GATA4: variants seen among roughly 807,000 people sequenced by gnomAD.
GATA4 encodes the protein transcription factor GATA-4.
GATA4 carries 7 observed loss-of-function variants against 37.9 expected under a neutral mutation model. The observed-to-expected ratio is 0.18, with a 90% confidence interval of 0.11 to 0.35. GATA4 has a LOEUF of 0.35. Ranked by LOEUF, GATA4 falls within the 10% of genes least tolerant of loss-of-function variation. The pLI, the probability that GATA4 is intolerant of heterozygous loss-of-function variation, is 1.00. For missense variants in GATA4, 647 were observed against 653.0 expected (o/e 0.99, Z 0.10); for synonymous variants, 372 against 292.6 (o/e 1.27, Z -2.77).
chr8:11,703,678 C>A (rs747882824), upstream of GATA4, among the ~76,000 whole-genome samples: 14 of 152,348 alleles, frequency 9.2e-5, no homozygotes, highest in Non-Finnish European at 1.6e-4. Flanking sequence ...TCTCTACGCT[C>A]TGATTTTAGG....
At position 11,712,046 on chromosome 8, in the gene GATA4, G is replaced by A. The variant is rs114557758; in HGVS notation, c.616+3118G>A. ...CTTGGGCAAGTTACTTACCTCTCTC[G>A]GTCTCACCTCTTTTTCTGTAAAATG... On this transcript the variant is annotated intron_variant, in intron 2 of 6. Coordinates refer to ENST00000532059, the MANE Select transcript of GATA4 (RefSeq NM_001308093.3). Among the ~76,000 whole-genome samples the A allele has an allele frequency of 2.1e-3, 315 of 152,214 alleles. 4 individuals carry two copies. The highest frequency in any genetic ancestry group is 7.4e-3 in the African/African-American group (308 of 41,522).
At chr8:11,737,800 C>A (rs1205510514) in intron 2 of GATA4, among the ~76,000 whole-genome samples, 2 of 152,164 alleles carry the variant, frequency 1.3e-5, no homozygotes, top group Non-Finnish European at 2.9e-5. Context: ...GAAAATGGAA[C>A]CTGCCCAGCT....
chr8:11,708,510 C>T lies in GATA4; in HGVS notation c.198C>T (p.Ala66=), dbSNP rs1366717746. The part of the protein sequence containing the change: ...GGGAGSASGG[A]SGGSSGGAAS... Reference sequence around the variant, plus strand: ...GCGCGGGCTCTGCGTCCGGAGGCGCCTCGGGCGGCAGCTCCGGTGGGGCCG... The same window carrying T: ...GCGCGGGCTCTGCGTCCGGAGGCGCTTCGGGCGGCAGCTCCGGTGGGGCCG... Residue 66 remains alanine, a synonymous_variant, in exon 2 of 7, where the codon GCC becomes GCT. Coordinates refer to ENST00000532059, the MANE Select transcript of GATA4 (RefSeq NM_001308093.3). This position sits in a 1 kb window ranked among gnomAD's most constrained non-coding sequence, Gnocchi z 6.7. 4.1e-6 allele frequency: 6 copies of T among 1,474,658 alleles called. No individual in the cohort carries two copies. Among genetic ancestry groups the T allele is most frequent in the South Asian group, 1.3e-5 (1 of 76,814 alleles). The allele number at this position is 1,474,658 out of a possible 1,614,324, so 91.3% of individuals were successfully genotyped here.
chr8:11,713,065 A>C (rs1308421885), intron 2 of GATA4, among the ~76,000 whole-genome samples: 1 of 151,380 alleles, frequency 6.6e-6, no homozygotes, highest in Non-Finnish European at 1.5e-5. Flanking sequence ...TTTTTTTTCT[A>C]TGTAACTGCT....
Position 11,758,924 on chromosome 8 carries a change from C to T in GATA4, c.*449C>T, listed in dbSNP as rs549563637. The T allele has an allele frequency of 5.2e-4, 149 of 284,508 alleles. No homozygotes were observed. Among genetic ancestry groups the T allele is most frequent in the East Asian group, 2.6e-4 (3 of 11,348 alleles). 17.6% of individuals were successfully genotyped at this position (284,508 alleles called of 1,614,324 possible). On this transcript the variant is annotated 3_prime_UTR_variant, in exon 7 of 7. Coordinates refer to ENST00000532059, the MANE Select transcript of GATA4 (RefSeq NM_001308093.3). ...TGCGACGGGCCCCTGGGGACAGGCC[C>T]TTGCCCCATCCATCCGCTTGAGGCA...
At chr8:11,757,436 A>G (rs1187119251) in intron 6 of GATA4, among the ~76,000 whole-genome samples, 1 of 152,148 alleles carries the variant, frequency 6.6e-6, no homozygotes, top group East Asian at 1.9e-4. Flanking sequence ...GGAAAACAAC[A>G]CAGAAGTACA....
At chr8:11,682,666 A>G (rs1487730078) in intron 1 of GATA4, among the ~76,000 whole-genome samples, 3 of 152,236 alleles carry the variant, frequency 2.0e-5, no homozygotes. Flanking sequence ...GAAAAACTTG[A>G]CCATGAGAAA....
intron 2 of GATA4, among the ~76,000 whole-genome samples, chr8:11,740,635 A>G (rs1801687155): frequency 6.6e-6 from 1 of 152,180 alleles, no homozygotes; most frequent in Admixed American, 6.5e-5. Flanking sequence ...TAAAAAATGT[A>G]TTGGTATAGG....
chr8:11,699,694 C>G (rs527251217), upstream of GATA4, among the ~76,000 whole-genome samples: 1 of 152,268 alleles, frequency 6.6e-6, no homozygotes, highest in Non-Finnish European at 1.5e-5. Context: ...AGGCTTCAGT[C>G]CTAGCCTCAG....
chr8:11,721,741 G>A (rs1003376006), intron 2 of GATA4, among the ~76,000 whole-genome samples: 8 of 152,196 alleles, frequency 5.3e-5, no homozygotes, highest in African/African-American at 1.9e-4. Flanking sequence ...GACCCAGAAG[G>A]TCAAGCATCT....
intron 2 of GATA4, among the ~76,000 whole-genome samples, chr8:11,710,467 G>T (rs890043085): frequency 2.6e-5 from 4 of 151,144 alleles, no homozygotes; most frequent in African/African-American, 9.7e-5. Flanking sequence ...GGAGGACTGG[G>T]CCAGGAGATC....
upstream of GATA4, among the ~76,000 whole-genome samples, chr8:11,703,413 C>G (rs1019471745): frequency 6.6e-6 from 1 of 152,084 alleles, no homozygotes; most frequent in Non-Finnish European, 1.5e-5. Context: ...TCCCCCATAC[C>G]CTGGAAGAGC....
At chr8:11,698,060 C>T (rs981523533) in intron 1 of GATA4, 3 of 969,822 alleles carry the variant, frequency 3.1e-6, no homozygotes, top group Non-Finnish European at 2.5e-6. Context: ...GGTTCTCTCT[C>T]CTCCCACCCA....
At chr8:11,692,990 G>C (rs1479147784) in intron 1 of GATA4, 1 of 985,232 alleles carries the variant, frequency 1.0e-6, no homozygotes, top group Non-Finnish European at 1.2e-6. Flanking sequence ...TCCATCACCC[G>C]GGCTGCACCC....
At chr8:11,748,656 G>C (rs745772192) in intron 2 of GATA4, among the ~76,000 whole-genome samples, 11 of 152,164 alleles carry the variant, frequency 7.2e-5, no homozygotes, top group Non-Finnish European at 1.6e-4. Flanking sequence ...TGAAATCCAG[G>C]TGTCCCGCCT....
At chr8:11,737,303 C>T (rs915879393) in intron 2 of GATA4, among the ~76,000 whole-genome samples, 3 of 152,220 alleles carry the variant, frequency 2.0e-5, no homozygotes, top group Admixed American at 1.3e-4. Flanking sequence ...CAGCTGGCTG[C>T]TGCTGCTGCC....
At chr8:11,738,297 G>A (rs948612541) in intron 2 of GATA4, among the ~76,000 whole-genome samples, 1 of 151,658 alleles carries the variant, frequency 6.6e-6, no homozygotes, top group African/African-American at 2.4e-5. Context: ...GAGCCACCAA[G>A]ACACCTCCCT....
At chr8:11,729,297 C>T (rs756043748) in intron 2 of GATA4, among the ~76,000 whole-genome samples, 26 of 151,424 alleles carry the variant, frequency 1.7e-4, no homozygotes, top group Admixed American at 3.3e-4. Flanking sequence ...CAGCTGGGCG[C>T]GGTGGCTCAT....
intron 2 of GATA4, among the ~76,000 whole-genome samples, chr8:11,746,407 G>A (rs1384752276): frequency 2.0e-5 from 3 of 152,112 alleles, no homozygotes; most frequent in Non-Finnish European, 2.9e-5. Flanking sequence ...CAGAATGGGA[G>A]GGTTGCACTA....
Sources: gnomAD v4.1 joint callset for allele counts (sites outside exome capture counted in the v4.1 genomes callset) on GRCh38, gnomAD v4.1.1 for gene constraint, Gnocchi (gnomAD v3.1) non-coding constraint, MANE v1.5 for transcripts, NCBI Gene and HGNC (gene_info 2026-07-23, HGNC 2026-07-21) for gene names.